Variants in SLC1A3 observed in about 807,000 individuals in gnomAD.
SLC1A3 encodes the protein solute carrier family 1 member 3.
SLC1A3 carries 21 observed loss-of-function variants against 48.1 expected under a neutral mutation model. That is an observed-to-expected ratio of 0.44 (90% confidence interval 0.31 to 0.63). The LOEUF (loss-of-function observed/expected upper bound fraction) is 0.63, where lower values mean the gene tolerates loss of function less well. Among genes scored for constraint, SLC1A3 ranks in the 20% least tolerant of loss-of-function variants. SLC1A3 has a pLI of 0.08. For synonymous variants in SLC1A3, 239 were observed against 251.4 expected (o/e 0.95, Z 0.47); for missense variants, 546 against 689.0 (o/e 0.79, Z 2.32).
intron 3 of SLC1A3, among the ~76,000 whole-genome samples, chr5:36,658,687 A>T (rs1293799826): frequency 6.6e-6 from 1 of 152,130 alleles, no homozygotes; most frequent in African/African-American, 2.4e-5. Flanking sequence ...TTGTGGTGGG[A>T]CTCAGAGAAA....
At chr5:36,602,695 G>A (rs891531336), upstream of SLC1A3, among the ~76,000 whole-genome samples, 3 of 152,210 alleles carry the variant, frequency 2.0e-5, no homozygotes, top group African/African-American at 7.2e-5. Flanking sequence ...AACAGTTGGT[G>A]TAATTTCTTG....
At chr5:36,685,572 G>A (rs944602284) in intron 9 of SLC1A3, among the ~76,000 whole-genome samples, 13 of 152,282 alleles carry the variant, frequency 8.5e-5, no homozygotes, top group African/African-American at 2.2e-4. Context: ...CACGGTGCCC[G>A]GCCTCGACCC....
At chr5:36,656,104 A>G (rs1288856567) in intron 3 of SLC1A3, among the ~76,000 whole-genome samples, 1 of 152,208 alleles carries the variant, frequency 6.6e-6, no homozygotes, top group Non-Finnish European at 1.5e-5. Context: ...GGTTAATTCT[A>G]TAATTGGTCA....
chr5:36,679,196 T>C (rs1330546353), intron 6 of SLC1A3, among the ~76,000 whole-genome samples: 1 of 152,180 alleles, frequency 6.6e-6, no homozygotes, highest in Non-Finnish European at 1.5e-5. Flanking sequence ...GTACAGTGGA[T>C]TCCGGCTGTT....
upstream of SLC1A3, among the ~76,000 whole-genome samples, chr5:36,602,367 C>T (rs1394521678): frequency 2.6e-5 from 4 of 152,066 alleles, no homozygotes; most frequent in South Asian, 2.1e-4. Flanking sequence ...AGTATTATCA[C>T]GAAGATTAAA....
At chr5:36,615,205 A>G (rs1201206474) in intron 2 of SLC1A3, among the ~76,000 whole-genome samples, 1 of 152,160 alleles carries the variant, frequency 6.6e-6, no homozygotes, top group African/African-American at 2.4e-5. Flanking sequence ...GGCTCCATCA[A>G]CTAACTCGAT....
chr5:36,610,450 T>G (rs1368272519), intron 2 of SLC1A3, among the ~76,000 whole-genome samples: 1 of 152,190 alleles, frequency 6.6e-6, no homozygotes, highest in Non-Finnish European at 1.5e-5. Context: ...TCAGTAATAC[T>G]GGAGTATATT....
At chr5:36,682,987 A>G (rs1273170791) in intron 8 of SLC1A3, among the ~76,000 whole-genome samples, 4 of 152,256 alleles carry the variant, frequency 2.6e-5, no homozygotes, top group Non-Finnish European at 5.9e-5. Flanking sequence ...TTGCTTTGCA[A>G]GCCAGGTCTA....
At chr5:36,597,444 A>C (rs1466969845) in intron 1 of SLC1A3, among the ~76,000 whole-genome samples, 1 of 151,492 alleles carries the variant, frequency 6.6e-6, no homozygotes, top group Non-Finnish European at 1.5e-5. Context: ...GGGTTTCACC[A>C]TATTAGCCAG....
intron 3 of SLC1A3, among the ~76,000 whole-genome samples, chr5:36,660,616 G>A: frequency 6.6e-6 from 1 of 152,184 alleles, no homozygotes; most frequent in Middle Eastern, 3.2e-3. Context: ...CCAGAAACAG[G>A]GAAGCCGACC....
chr5:36,629,329 A>G, intron 2 of SLC1A3, 121 bp from the exon 3 acceptor site: 1 of 845,970 alleles, frequency 1.2e-6, no homozygotes, highest in South Asian at 1.5e-5. Flanking sequence ...AGCAGCACAG[A>G]TATTTGCTGC....
intron 2 of SLC1A3, among the ~76,000 whole-genome samples, chr5:36,611,630 T>C (rs1210385059): frequency 6.6e-6 from 1 of 152,122 alleles, no homozygotes; most frequent in Admixed American, 6.5e-5. Flanking sequence ...GAGAACACAG[T>C]GCCAAGCTCC....
intron 1 of SLC1A3, among the ~76,000 whole-genome samples, chr5:36,600,375 T>C (rs1738794301): frequency 6.6e-6 from 1 of 152,178 alleles, no homozygotes; most frequent in African/African-American, 2.4e-5. Context: ...CCTACAATAC[T>C]GTATTTGCCC....
intron 8 of SLC1A3, among the ~76,000 whole-genome samples, chr5:36,681,380 T>C (rs1195527397): frequency 6.6e-6 from 1 of 152,232 alleles, no homozygotes; most frequent in Non-Finnish European, 1.5e-5. Flanking sequence ...TATACTTCAA[T>C]TTTTAAAAGC....
chr5:36,680,894 G>A lies in SLC1A3; in HGVS notation c.1289+305G>A, dbSNP rs113193520. On this transcript the variant is annotated intron_variant, in intron 8 of 9. Transcript: ENST00000265113. The stretch of plus-strand genomic sequence containing the variant: ...TCATGCCACTGCACTCCAGCCTGGG[G>A]GACACAGCAAGACTCCATCTCAAAA... Among the ~76,000 whole-genome samples the A allele has an allele frequency of 1.1e-3, 167 of 149,820 alleles. 6 individuals carry two copies. The highest frequency in any genetic ancestry group is 4.0e-3 in the African/African-American group (159 of 40,212).
intron 3 of SLC1A3, among the ~76,000 whole-genome samples, chr5:36,647,395 G>C (rs754521920): frequency 1.3e-5 from 2 of 152,154 alleles, no homozygotes; most frequent in African/African-American, 2.4e-5. Flanking sequence ...AATTTCTCTG[G>C]AGTAAAGCAT....
At chr5:36,656,615 C>T (rs1194297436) in intron 3 of SLC1A3, among the ~76,000 whole-genome samples, 4 of 152,188 alleles carry the variant, frequency 2.6e-5, no homozygotes, top group Admixed American at 6.5e-5. Context: ...AGAAGAGGAG[C>T]TACTATTTGT....
chr5:36,646,844 CTA>C (rs1488891644), intron 3 of SLC1A3, among the ~76,000 whole-genome samples: 1 of 152,074 alleles, frequency 6.6e-6, no homozygotes, highest in Non-Finnish European at 1.5e-5. Context: ...GTTCAAAGAG[CTA>C]TTTTTGAGGA....
At chr5:36,679,970 G>T in intron 7 of SLC1A3, 110 bp downstream of exon 7, 1 of 767,342 alleles carries the variant, frequency 1.3e-6, no homozygotes. Context: ...TTCCAAGAAT[G>T]ATGAGTTAGC....
Sources: gnomAD v4.1 joint callset for allele counts (sites outside exome capture counted in the v4.1 genomes callset) on GRCh38, gnomAD v4.1.1 for gene constraint, MANE v1.5 for transcripts, NCBI Gene and HGNC (gene_info 2026-07-23, HGNC 2026-07-21) for gene names.